WSB2: variants seen among roughly 807,000 people sequenced by gnomAD.
WSB2 encodes the protein WD repeat and SOCS box-containing protein 2.
WSB2 carries 12 observed loss-of-function variants against 48.8 expected under a neutral mutation model. That is an observed-to-expected ratio of 0.25 (90% confidence interval 0.16 to 0.40). The LOEUF is 0.40. Ranked by LOEUF, WSB2 falls within the 10% of genes least tolerant of loss-of-function variation. WSB2 has a pLI of 1.00. For synonymous variants in WSB2, 191 were observed against 203.1 expected (o/e 0.94, Z 0.51); for missense variants, 317 against 506.2 (o/e 0.63, Z 3.59).
At chr12:118,035,443 G>T (rs2031489246) in intron 6 of WSB2, 119 bp from the exon 7 acceptor site, 1 of 789,278 alleles carries the variant, frequency 1.3e-6, no homozygotes, top group Non-Finnish European at 2.1e-6. Flanking sequence ...GATGCATTGT[G>T]TGCCCCTCGT....
At chr12:118,053,956 A>G (rs2031901895) in intron 1 of WSB2, among the ~76,000 whole-genome samples, 2 of 152,178 alleles carry the variant, frequency 1.3e-5, no homozygotes, top group South Asian at 4.1e-4. Flanking sequence ...TGTATCTTAT[A>G]ATCAATGACT....
chr12:118,043,463 G>A, intron 2 of WSB2, 86 bp from the exon 3 acceptor site: 1 of 1,500,258 alleles, frequency 6.7e-7, no homozygotes, highest in South Asian at 1.4e-5. Flanking sequence ...GACTTTTGGG[G>A]AGTGGAGGGA....
chr12:118,058,999 TTGA>T (rs1326013862), intron 1 of WSB2, among the ~76,000 whole-genome samples: 1 of 152,138 alleles, frequency 6.6e-6, no homozygotes, highest in Non-Finnish European at 1.5e-5. Context: ...GCGCATTTGG[TTGA>T]TATTTTCTTG....
chr12:118,054,687 T>TAAC (rs1307910093), intron 1 of WSB2, among the ~76,000 whole-genome samples: 24 of 78,776 alleles, frequency 3.0e-4, no homozygotes, highest in Non-Finnish European at 5.9e-4. Context: ...CAAAAAATAA[T>TAAC]AATAATAATA....
At chr12:118,036,268 A>T in intron 6 of WSB2, 70 bp downstream of exon 6, 1 of 1,517,744 alleles carries the variant, frequency 6.6e-7, no homozygotes, top group Non-Finnish European at 9.0e-7. Context: ...TAAAAGAGAC[A>T]TGTCTAATCC....
At chr12:118,037,667 TA>T (rs752087366) in intron 5 of WSB2, among the ~76,000 whole-genome samples, 2,193 of 123,450 alleles carry the variant, frequency 0.018, 44 homozygotes, top group African/African-American at 0.055. Flanking sequence ...AAACTCTGTC[TA>T]AAAAAAAAAA....
chr12:118,043,933 A>G (rs962303180), intron 2 of WSB2, among the ~76,000 whole-genome samples: 1 of 151,846 alleles, frequency 6.6e-6, no homozygotes. Context: ...CCTGGCCAAC[A>G]TGGTGAAACC....
chr12:118,050,736 T>C (rs1015224773), intron 2 of WSB2, among the ~76,000 whole-genome samples: 8 of 151,850 alleles, frequency 5.3e-5, no homozygotes, highest in Non-Finnish European at 7.4e-5. Context: ...AAAGAACGTA[T>C]ACAAAGGACC....
chr12:118,049,239 A>G (rs1483404340), intron 2 of WSB2, among the ~76,000 whole-genome samples: 1 of 152,202 alleles, frequency 6.6e-6, no homozygotes, highest in East Asian at 1.9e-4. Context: ...ACTCTGATTA[A>G]AAACACATAA....
In WSB2 at chr12:118,032,763, GA is replaced by G. The variant is rs1409317850; in HGVS notation, c.*1432del. ...TCACTCTGTTGCCCAGGCTGATCTT[GA>G]ACTCCTGGGCTCAAGCAGTCCTCCC... is the stretch of plus-strand genomic sequence containing the variant. On this transcript the variant is annotated 3_prime_UTR_variant, in exon 9 of 9. Transcript: ENST00000315436. 1 of 151,890 alleles carries G rather than the reference GA, an allele frequency of 6.6e-6. No individual in the cohort carries two copies. The highest frequency in any genetic ancestry group is 1.9e-4 in the East Asian group (1 of 5,188). The allele number at this position is 151,890 out of a possible 1,614,324, so 9.4% of individuals were successfully genotyped here.
At chr12:118,046,657 T>C (rs79168588) in intron 2 of WSB2, among the ~76,000 whole-genome samples, 4,153 of 152,270 alleles carry the variant, frequency 0.027, 200 homozygotes, top group African/African-American at 0.096. Flanking sequence ...GAGTTTGTTG[T>C]CACGAGAAGC....
intron 2 of WSB2, among the ~76,000 whole-genome samples, chr12:118,050,346 CTGG>C (rs1181245692): frequency 1.3e-5 from 2 of 152,072 alleles, no homozygotes; most frequent in Non-Finnish European, 2.9e-5. Flanking sequence ...GAAAGAAAAA[CTGG>C]TATTAGAAAC....
chr12:118,057,605 G>A (rs1462672200), intron 1 of WSB2, among the ~76,000 whole-genome samples: 3 of 152,000 alleles, frequency 2.0e-5, no homozygotes, highest in Non-Finnish European at 4.4e-5. Context: ...AATAAAAATT[G>A]TATATATTAT....
chr12:118,042,950 G>A lies in WSB2; in HGVS notation c.450C>T (p.Ser150=), dbSNP rs766668778. The A allele has an allele frequency of 1.7e-5, 27 of 1,614,054 alleles. No individual in the cohort carries two copies. The highest frequency in any genetic ancestry group is 1.6e-4 in the Middle Eastern group (1 of 6,082). The change falls in exon 4 of 9, where the codon TCC becomes TCT. Residue 150 remains serine, a synonymous_variant. Transcript: ENST00000315436. ...GATCTCTCACGACATCTTGGTGGCC[G>A]GAAAGATTCAAAAGCAGGAGCCCTG... The part of the protein sequence containing the change: ...VQTGLLLLNL[S]GHQDVVRDLS...
At chr12:118,052,107 GA>G (rs2031864225) in intron 2 of WSB2, among the ~76,000 whole-genome samples, 1 of 152,064 alleles carries the variant, frequency 6.6e-6, no homozygotes, top group Non-Finnish European at 1.5e-5. Context: ...AAAGCTATGG[GA>G]AAAAAAGCCA....
At chr12:118,050,705 G>A (rs887471673) in intron 2 of WSB2, among the ~76,000 whole-genome samples, 1 of 151,886 alleles carries the variant, frequency 6.6e-6, no homozygotes, top group South Asian at 2.1e-4. Context: ...ACGAGCAAAG[G>A]CTCTGAGTAG....
chr12:118,045,081 A>G (rs754591325), intron 2 of WSB2, among the ~76,000 whole-genome samples: 1 of 152,236 alleles, frequency 6.6e-6, no homozygotes, highest in Non-Finnish European at 1.5e-5. Context: ...GAAATACACA[A>G]AAGAATTTTA....
chr12:118,058,357 A>AT (rs1357449898), intron 1 of WSB2, among the ~76,000 whole-genome samples: 4 of 151,064 alleles, frequency 2.6e-5, no homozygotes, highest in African/African-American at 9.7e-5. Flanking sequence ...TTTATTTTTT[A>AT]TTTTTTTTGA....
intron 5 of WSB2, among the ~76,000 whole-genome samples, chr12:118,037,681 AAG>A (rs1258665372): frequency 0.039 from 5,769 of 148,854 alleles, 356 homozygotes; most frequent in African/African-American, 0.14. Context: ...AAAAAAAAAA[AAG>A]AAAAGAAAAG....
Sources: gnomAD v4.1 joint callset for allele counts (sites outside exome capture counted in the v4.1 genomes callset) on GRCh38, gnomAD v4.1.1 for gene constraint, MANE v1.5 for transcripts, NCBI Gene and HGNC (gene_info 2026-07-23, HGNC 2026-07-21) for gene names.